The following PLXNA4 variants were observed in gnomAD, a reference collection of about 807,000 sequenced individuals.
PLXNA4 encodes plexin A4, also known as plexin-A4.
A neutral mutation model predicts 191.8 loss-of-function variants in PLXNA4; 44 were observed. The ratio of observed to expected loss-of-function variants is 0.23; its 90% CI spans 0.18 to 0.29. The LOEUF (loss-of-function observed/expected upper bound fraction) is 0.29. Among genes scored for constraint, PLXNA4 ranks in the 10% least tolerant of loss-of-function variants. The probability of loss-of-function intolerance (pLI) is 1.00; values close to 1 mark genes in which losing one functional copy is unlikely to be tolerated. For synonymous variants in PLXNA4, 1,082 were observed against 1,009.5 expected, an observed-to-expected ratio of 1.07 and a Z score of -1.36; for missense variants, 1,800 against 2,488.8, an observed-to-expected ratio of 0.72 and a Z score of 5.89.
At chr7:132,411,051 G>T (rs1306944930) in intron 3 of PLXNA4, among the ~76,000 whole-genome samples, 2 of 152,190 alleles carry the variant, frequency 1.3e-5, no homozygotes, top group Non-Finnish European at 2.9e-5. Context: ...GAAACATGAG[G>T]GTTTCAATGC....
At chr7:132,447,403 G>A (rs1227360700) in intron 3 of PLXNA4, among the ~76,000 whole-genome samples, 2 of 152,186 alleles carry the variant, frequency 1.3e-5, no homozygotes, top group Non-Finnish European at 2.9e-5. Context: ...GGGACCAGGT[G>A]AATTTTGATC....
At chr7:132,322,183 G>GTTTTTTTTTTTTTTTTTTTTTTT (rs1802193748) in intron 3 of PLXNA4, among the ~76,000 whole-genome samples, 3 of 81,794 alleles carry the variant, frequency 3.7e-5, no homozygotes, top group Admixed American at 1.6e-4. Flanking sequence ...CCCTAAAAGG[G>GTTTTTTTTTTTTTTTTTTTTTTT]CTTTTTTTTT....
chr7:132,283,043 C>T (rs1006122341), intron 4 of PLXNA4, among the ~76,000 whole-genome samples: 3 of 152,002 alleles, frequency 2.0e-5, no homozygotes, highest in African/African-American at 7.2e-5. Context: ...CCATACCCAG[C>T]TAATTTTTGT....
chr7:132,617,343 C>T (rs1298805754), intron 2 of PLXNA4, among the ~76,000 whole-genome samples: 1 of 152,096 alleles, frequency 6.6e-6, no homozygotes, highest in African/African-American at 2.4e-5. Context: ...ATCAGGAAGG[C>T]ACTATGTGGG....
At chr7:132,387,798 C>A (rs946071484) in intron 3 of PLXNA4, among the ~76,000 whole-genome samples, 1 of 152,130 alleles carries the variant, frequency 6.6e-6, no homozygotes, top group Non-Finnish European at 1.5e-5. Context: ...ATCTTGTCTA[C>A]TTAGCTGGTT....
intron 1 of PLXNA4, among the ~76,000 whole-genome samples, chr7:132,510,127 C>T (rs541626656): frequency 6.6e-6 from 1 of 152,118 alleles, no homozygotes; most frequent in Non-Finnish European, 1.5e-5. Context: ...TCTTCCAGTT[C>T]GAGAGAATTC....
chr7:132,579,715 GC>G (rs2116810255), upstream of PLXNA4, among the ~76,000 whole-genome samples: 1 of 152,248 alleles, frequency 6.6e-6, no homozygotes, highest in Admixed American at 6.5e-5. Context: ...CAGGTGAGGG[GC>G]CCAGCGAGCT....
chr7:132,464,734 C>G (rs938816526), intron 3 of PLXNA4, among the ~76,000 whole-genome samples: 2 of 152,154 alleles, frequency 1.3e-5, no homozygotes, highest in African/African-American at 4.8e-5. Context: ...ACGAAAATTA[C>G]CAGGAGTTAG....
At position 132,564,229 on chromosome 7, in the gene PLXNA4, CTCCTCT is replaced by C. The variant is rs1375113341; in HGVS notation, c.-87+12187_-87+12192del. Among the ~76,000 whole-genome samples, 56 of 134,262 alleles carry C rather than the reference CTCCTCT, an allele frequency of 4.2e-4. No homozygotes were observed. The East Asian group carries it at 7.5e-3, about 18-fold the overall frequency. 88.1% of individuals were successfully genotyped at this position (134,262 alleles called of 152,430 possible). ...CTCCTCCTTCTCCTTTCTCCTCCTC[CTCCTCT>C]TCCTCCTCCTCCTTCTGCTTCTCCT... On this transcript the variant is annotated intron_variant, in intron 1 of 31. Transcript: ENST00000321063.
chr7:132,527,863 C>T, intron 1 of PLXNA4, among the ~76,000 whole-genome samples: 1 of 152,272 alleles, frequency 6.6e-6, no homozygotes. Flanking sequence ...ACTGATAGAG[C>T]CTGCACACAG....
intron 3 of PLXNA4, among the ~76,000 whole-genome samples, chr7:132,412,736 AC>A (rs1172548416): frequency 6.6e-6 from 1 of 152,074 alleles, no homozygotes; most frequent in African/African-American, 2.4e-5. Context: ...GGGAAAGAGG[AC>A]CTCTGGGGAA....
intron 2 of PLXNA4, among the ~76,000 whole-genome samples, chr7:132,618,182 T>G (rs888946496): frequency 1.3e-5 from 2 of 152,192 alleles, no homozygotes; most frequent in Non-Finnish European, 2.9e-5. Flanking sequence ...TAAATTTAGG[T>G]GCTATTACTA....
chr7:132,203,378 C>T lies in PLXNA4; in HGVS notation c.2340G>A (p.Glu780=). 6.2e-7 allele frequency: 1 copy of T among 1,614,140 alleles called. No individual in the cohort carries two copies. The highest frequency in any genetic ancestry group is 8.5e-7 in the Non-Finnish European group (1 of 1,180,012). ...EGMEINNLPV[E]LTVVWNGHFN... ...AGTGCCCATTCCACACGACTGTCAA[C>T]TCCACGGGCAGGTTGTTGATCTCCA... Residue 780 remains glutamate (E), a synonymous_variant, in exon 11 of 32, where the codon GAG becomes GAA. Transcript: ENST00000321063.
At chr7:132,305,403 C>A (rs1801477578) in intron 3 of PLXNA4, among the ~76,000 whole-genome samples, 1 of 150,586 alleles carries the variant, frequency 6.6e-6, no homozygotes, top group Non-Finnish European at 1.5e-5. Flanking sequence ...CACACACACA[C>A]ACACTCTACT....
chr7:132,635,002 C>G (rs1264295153), intron 2 of PLXNA4, among the ~76,000 whole-genome samples: 1 of 151,958 alleles, frequency 6.6e-6, no homozygotes, highest in African/African-American at 2.4e-5. Context: ...ACTGGCCTAG[C>G]CTCCCAGCCT....
intron 1 of PLXNA4, among the ~76,000 whole-genome samples, chr7:132,526,469 C>G (rs1031129118): frequency 4.6e-5 from 7 of 152,170 alleles, no homozygotes; most frequent in Admixed American, 6.5e-5. Context: ...TCTATCGGAA[C>G]AAAGTGTAGG....
At chr7:132,592,835 C>T (rs1449662880) in intron 2 of PLXNA4, among the ~76,000 whole-genome samples, 2 of 150,264 alleles carry the variant, frequency 1.3e-5, no homozygotes, top group South Asian at 2.1e-4. Flanking sequence ...TAAACCCCTA[C>T]GTGCCTTTTT....
intron 4 of PLXNA4, among the ~76,000 whole-genome samples, chr7:132,270,271 A>C (rs1321196243): frequency 6.6e-6 from 1 of 152,220 alleles, no homozygotes; most frequent in Non-Finnish European, 1.5e-5. Context: ...TACCGCGGGA[A>C]TAGTTTCCAA....
chr7:132,617,848 A>G (rs928344358), intron 2 of PLXNA4, among the ~76,000 whole-genome samples: 1 of 152,184 alleles, frequency 6.6e-6, no homozygotes, highest in African/African-American at 2.4e-5. Flanking sequence ...TACCAGATAG[A>G]ATCTTTTTCT....
Sources: gnomAD v4.1 joint callset for allele counts (sites outside exome capture counted in the v4.1 genomes callset) on GRCh38, gnomAD v4.1.1 for gene constraint, MANE v1.5 for transcripts, NCBI Gene and HGNC (gene_info 2026-07-23, HGNC 2026-07-21) for gene names.